JAKMIP1: variants seen among roughly 807,000 people sequenced by gnomAD.
JAKMIP1 encodes janus kinase and microtubule-interacting protein 1.
Under a neutral mutation model 113.0 loss-of-function variants are expected in JAKMIP1, and 33 were observed. The ratio of observed to expected loss-of-function variants is 0.29; its 90% confidence interval spans 0.22 to 0.39. The LOEUF (loss-of-function observed/expected upper bound fraction) is 0.39. JAKMIP1 is among the 10% of genes least tolerant of loss of function. JAKMIP1 has a pLI of 1.00. For synonymous variants in JAKMIP1, 480 were observed against 459.9 expected (o/e 1.04, Z -0.56); for missense variants, 813 against 1,080.5 (o/e 0.75, Z 3.47).
chr4:6,128,600 G>A (rs561816484), intron 1 of JAKMIP1, among the ~76,000 whole-genome samples: 61 of 152,256 alleles, frequency 4.0e-4, no homozygotes, highest in African/African-American at 1.3e-3. Flanking sequence ...GCCTGACAAA[G>A]CCCCAGCCCG....
chr4:6,096,568 C>A (rs751697966), intron 3 of JAKMIP1, among the ~76,000 whole-genome samples: 1 of 152,166 alleles, frequency 6.6e-6, no homozygotes, highest in South Asian at 2.1e-4. Flanking sequence ...ATTTTCAGAT[C>A]CCATTGGACA....
At chr4:6,125,107 T>C (rs938516837) in intron 1 of JAKMIP1, among the ~76,000 whole-genome samples, 3 of 152,266 alleles carry the variant, frequency 2.0e-5, no homozygotes, top group Non-Finnish European at 4.4e-5. Flanking sequence ...ACCCAGCCCA[T>C]GTGATGTGGA....
intron 3 of JAKMIP1, among the ~76,000 whole-genome samples, chr4:6,102,520 C>T (rs747495866): frequency 6.6e-5 from 10 of 152,012 alleles, no homozygotes; most frequent in Non-Finnish European, 1.2e-4. Flanking sequence ...AGAAACTGGA[C>T]CCTTGCCAGA....
chr4:6,113,814 G>C (rs1188540076), intron 1 of JAKMIP1, among the ~76,000 whole-genome samples: 1 of 152,218 alleles, frequency 6.6e-6, no homozygotes, highest in African/African-American at 2.4e-5. Flanking sequence ...CCCTACACGA[G>C]GATGGGTTCC....
At chr4:6,191,473 AT>A (rs1178275933) in intron 1 of JAKMIP1, among the ~76,000 whole-genome samples, 1 of 152,242 alleles carries the variant, frequency 6.6e-6, no homozygotes, top group Non-Finnish European at 1.5e-5. Context: ...CCTTGTCCTC[AT>A]GGGGACCCAG....
intron 1 of JAKMIP1, among the ~76,000 whole-genome samples, chr4:6,191,410 T>C (rs555086430): frequency 1.1e-4 from 16 of 152,300 alleles, no homozygotes; most frequent in Non-Finnish European, 2.1e-4. Context: ...GTGGAGGCTA[T>C]GGGTCTCCCC....
At chr4:6,091,283 G>A (rs1390055492) in intron 3 of JAKMIP1, among the ~76,000 whole-genome samples, 2 of 152,164 alleles carry the variant, frequency 1.3e-5, no homozygotes, top group African/African-American at 2.4e-5. Flanking sequence ...AAATGGAAAC[G>A]GAGCCTTTGT....
At chr4:6,077,282 G>C (rs1719815526) in intron 8 of JAKMIP1, among the ~76,000 whole-genome samples, 1 of 152,078 alleles carries the variant, frequency 6.6e-6, no homozygotes, top group Non-Finnish European at 1.5e-5. Context: ...CACACAGGTA[G>C]AATGTCACTG....
chr4:6,196,112 A>G (rs1284234234), intron 1 of JAKMIP1, among the ~76,000 whole-genome samples: 1 of 152,190 alleles, frequency 6.6e-6, no homozygotes, highest in Middle Eastern at 3.2e-3. Context: ...CCCCGGCCCC[A>G]CTGGGGAGCT....
chr4:6,072,211 C>A (rs1164080490), intron 8 of JAKMIP1, among the ~76,000 whole-genome samples: 1 of 152,226 alleles, frequency 6.6e-6, no homozygotes, highest in Non-Finnish European at 1.5e-5. Flanking sequence ...GACCACACAC[C>A]CCCTCTTTCC....
In JAKMIP1 at chr4:6,040,103, T is replaced by A. The variant is rs1034088232; in HGVS notation, c.2175+536A>T. 2.6e-5 allele frequency among the ~76,000 whole-genome samples: 4 copies of A among 152,190 alleles called. No individual in the cohort carries two copies. Among genetic ancestry groups the A allele is most frequent in the African/African-American group, 9.6e-5 (4 of 41,458 alleles). On this transcript the variant is annotated intron_variant, in intron 18 of 20. Transcript: ENST00000409021. This position sits in a 1 kb window ranked among gnomAD's most constrained non-coding sequence, Gnocchi z 5.8. ...TTCTCTCGTGCCAGGAGCACTTAGC[T>A]TTGAGTGTGAGGACACAGGAGTTTG...
In JAKMIP1 at chr4:6,069,696, T is replaced by C. The variant is rs1718679051; in HGVS notation, c.1303-4688A>G. Among the ~76,000 whole-genome samples the C allele has an allele frequency of 6.7e-6, 1 of 149,088 alleles. No homozygotes were observed. Among genetic ancestry groups the C allele is most frequent in the African/African-American group, 2.5e-5 (1 of 39,982 alleles). The stretch of plus-strand genomic sequence containing the variant: ...TGAGCCTGGGAGGTTGGGGCTGCAG[T>C]GAGCTGTGATTGTGCCTCTGCACTC... On this transcript the variant is annotated intron_variant, in intron 8 of 20. Transcript: ENST00000409021. The surrounding 1 kb of genome is among the most constrained non-coding windows in gnomAD (Gnocchi z 4.5).
In JAKMIP1 at chr4:6,167,063, C is replaced by G. The variant is rs1034503460; in HGVS notation, c.-148+33190G>C. On this transcript the variant is annotated intron_variant, in intron 1 of 20. Transcript: ENST00000409021. This position sits in a 1 kb window ranked among gnomAD's most constrained non-coding sequence, Gnocchi z 5.3. ...GCTACCCCACATCAAGTACTTGGAA[C>G]AGTGCCTGGTGCGTAGGGGGTACTC... Among the ~76,000 whole-genome samples the G allele has an allele frequency of 6.6e-6, 1 of 152,120 alleles. No individual in the cohort carries two copies.
chr4:6,170,680 T>A (rs1724469601), intron 1 of JAKMIP1, among the ~76,000 whole-genome samples: 1 of 143,308 alleles, frequency 7.0e-6, no homozygotes, highest in Non-Finnish European at 1.5e-5. Flanking sequence ...CCTTCTCACC[T>A]CCACTGTCAC....
At chr4:6,166,949 C>G (rs1337975682) in intron 1 of JAKMIP1, among the ~76,000 whole-genome samples, 1 of 149,932 alleles carries the variant, frequency 6.7e-6, no homozygotes, top group African/African-American at 2.5e-5. Context: ...GACAGCCACC[C>G]TTCCACAAAG....
chr4:6,131,248 G>C (rs1352835690), intron 1 of JAKMIP1, among the ~76,000 whole-genome samples: 1 of 146,832 alleles, frequency 6.8e-6, no homozygotes, highest in African/African-American at 2.5e-5. Context: ...GGATGAGAAA[G>C]AGAAGAAGAA....
At chr4:6,118,927 A>G (rs1716275150) in intron 1 of JAKMIP1, among the ~76,000 whole-genome samples, 1 of 152,258 alleles carries the variant, frequency 6.6e-6, no homozygotes, top group South Asian at 2.1e-4. Flanking sequence ...ATCATCCTGC[A>G]GTAGGATGAA....
At chr4:6,128,717 G>A (rs1718093120) in intron 1 of JAKMIP1, among the ~76,000 whole-genome samples, 1 of 152,102 alleles carries the variant, frequency 6.6e-6, no homozygotes. Flanking sequence ...GTCCTCTCTA[G>A]AGTCCTTCTG....
At chr4:6,114,041 A>T (rs994362242) in intron 1 of JAKMIP1, among the ~76,000 whole-genome samples, 1 of 152,232 alleles carries the variant, frequency 6.6e-6, no homozygotes, top group African/African-American at 2.4e-5. Context: ...ACCTGGTGAG[A>T]GAGGATTTTA....
Sources: gnomAD v4.1 joint callset for allele counts (sites outside exome capture counted in the v4.1 genomes callset) on GRCh38, gnomAD v4.1.1 for gene constraint, Gnocchi (gnomAD v3.1) non-coding constraint, MANE v1.5 for transcripts, NCBI Gene and HGNC (gene_info 2026-07-23, HGNC 2026-07-21) for gene names.